Variants in DMRT1 observed in about 807,000 individuals in gnomAD.
DMRT1 encodes doublesex- and mab-3-related transcription factor 1.
A neutral mutation model predicts 32.3 loss-of-function variants in DMRT1; 7 were observed. The ratio of observed to expected loss-of-function variants is 0.22; its 90% CI spans 0.12 to 0.41. The LOEUF is 0.41. Among genes scored for constraint, DMRT1 ranks in the 10% least tolerant of loss-of-function variants. The pLI, the probability that DMRT1 is intolerant of heterozygous loss-of-function variation, is 1.00. For synonymous variants in DMRT1, 278 were observed against 206.1 expected, an observed-to-expected ratio of 1.35 and a Z score of -2.99; for missense variants, 625 against 500.5, an observed-to-expected ratio of 1.25 and a Z score of -2.37.
chr9:947,650 G>A (rs112123248), intron 4 of DMRT1, among the ~76,000 whole-genome samples: 1 of 152,238 alleles, frequency 6.6e-6, no homozygotes, highest in Admixed American at 6.5e-5. Context: ...TTGAGACAGA[G>A]TCTGACTCTG....
intron 4 of DMRT1, among the ~76,000 whole-genome samples, chr9:928,329 G>T (rs1405390188): frequency 6.6e-6 from 1 of 152,158 alleles, no homozygotes; most frequent in African/African-American, 2.4e-5. Context: ...TGTTAGGAGA[G>T]TCATTTTGTG....
intron 4 of DMRT1, among the ~76,000 whole-genome samples, chr9:936,288 G>T (rs1214933112): frequency 1.3e-5 from 2 of 152,062 alleles, no homozygotes; most frequent in Non-Finnish European, 2.9e-5. Flanking sequence ...CTTCTTGGTA[G>T]GACATAGATA....
intron 1 of DMRT1, among the ~76,000 whole-genome samples, chr9:845,688 A>G (rs10977001): frequency 0.052 from 7,902 of 151,918 alleles, 632 homozygotes; most frequent in African/African-American, 0.18. Flanking sequence ...TTCAACACCA[A>G]ATTCCAGCCC....
chr9:953,016 T>C (rs1300396312), intron 4 of DMRT1, among the ~76,000 whole-genome samples: 1 of 152,242 alleles, frequency 6.6e-6, no homozygotes, highest in Non-Finnish European at 1.5e-5. Flanking sequence ...TTTTGAAAGA[T>C]ACACATCTTT....
intron 2 of DMRT1, 100 bp from the exon 3 acceptor site, chr9:893,812 C>A (rs1399635571): frequency 2.8e-6 from 3 of 1,089,578 alleles, no homozygotes; most frequent in Non-Finnish European, 1.4e-6. Context: ...GCATATTCAG[C>A]TACCTTGCTC....
At chr9:957,748 G>T (rs536704306) in intron 4 of DMRT1, among the ~76,000 whole-genome samples, 2 of 152,178 alleles carry the variant, frequency 1.3e-5, no homozygotes, top group Non-Finnish European at 2.9e-5. Flanking sequence ...AGTGGCTCGC[G>T]CCTGTAATCC....
At position 842,329 on chromosome 9, in the gene DMRT1, G is replaced by T. The variant is rs549953533; in HGVS notation, c.354+137G>T. The T allele has an allele frequency of 1.4e-4, 160 of 1,159,778 alleles. No homozygotes were observed. The African/African-American group carries it at 2.4e-3, about 17-fold the overall frequency. The allele number at this position is 1,159,778 out of a possible 1,614,324, so 71.8% of individuals were successfully genotyped here. On this transcript the variant is annotated intron_variant, in intron 1 of 4. Transcript: ENST00000382276. ...GGCTCACTGCAACCTCCGCTTCCCG[G>T]GTTCAAGCAATTCTCCTGCCTCAGC...
At chr9:946,933 T>A (rs377263996) in intron 4 of DMRT1, among the ~76,000 whole-genome samples, 1 of 152,192 alleles carries the variant, frequency 6.6e-6, no homozygotes, top group African/African-American at 2.4e-5. Context: ...TCACAGACGG[T>A]GCCCATCAAG....
chr9:916,176 G>T (rs1245354753), intron 3 of DMRT1, among the ~76,000 whole-genome samples: 1 of 152,188 alleles, frequency 6.6e-6, no homozygotes, highest in African/African-American at 2.4e-5. Context: ...AGCAGATTGT[G>T]TTGTCCCCTC....
chr9:936,311 TGTA>T lies in DMRT1; in HGVS notation c.967+19409_967+19411del, dbSNP rs1017098138. Among the ~76,000 whole-genome samples the T allele has an allele frequency of 9.8e-5, 15 of 152,310 alleles. No homozygotes were observed. The South Asian group carries it at 1.5e-3, about 15-fold the overall frequency. Reference sequence around the variant, plus strand: ...TAGGACATAGATATTGCAGTTTTATTGTAGTAGCTCTATGGTTATGAAATACCT... The same window carrying T: ...TAGGACATAGATATTGCAGTTTTATTGTAGCTCTATGGTTATGAAATACCT... On this transcript the variant is annotated intron_variant, in intron 4 of 4. Coordinates refer to ENST00000382276, the MANE Select transcript of DMRT1 (RefSeq NM_021951.3).
chr9:955,507 C>A (rs918368960), intron 4 of DMRT1, among the ~76,000 whole-genome samples: 1 of 152,122 alleles, frequency 6.6e-6, no homozygotes, highest in Non-Finnish European at 1.5e-5. Context: ...GAGTTCAAGA[C>A]CAGCCTGAGC....
rs1300145084 is a variant in DMRT1 at position 866,277 on chromosome 9, G to A, written c.538+19134G>A. On this transcript the variant is annotated intron_variant, in intron 2 of 4. Coordinates refer to ENST00000382276, the MANE Select transcript of DMRT1 (RefSeq NM_021951.3). ...GCAGAACAGGTAAAGCACCATCAATGCACATTTAGAAATCGTCAGGACATT... is the reference window on the plus strand; with the variant it reads ...GCAGAACAGGTAAAGCACCATCAATACACATTTAGAAATCGTCAGGACATT... 7.9e-5 allele frequency among the ~76,000 whole-genome samples: 12 copies of A among 151,278 alleles called. 1 individual carries two copies. The highest frequency in any genetic ancestry group is 5.9e-4 in the Admixed American group (9 of 15,132).
chr9:935,712 AC>A (rs779127229), intron 4 of DMRT1, among the ~76,000 whole-genome samples: 1 of 152,348 alleles, frequency 6.6e-6, no homozygotes, highest in African/African-American at 2.4e-5. Context: ...CGCTAAATGG[AC>A]TGTAATAAAT....
chr9:933,245 AGGGTCTTTC>A (rs1818783739), intron 4 of DMRT1, among the ~76,000 whole-genome samples: 1 of 152,178 alleles, frequency 6.6e-6, no homozygotes, highest in South Asian at 2.1e-4. Flanking sequence ...ATCAAGGCTT[AGGGTCTTTC>A]GGGCGACCAG....
chr9:844,354 A>G (rs1838811452), intron 1 of DMRT1, among the ~76,000 whole-genome samples: 2 of 152,274 alleles, frequency 1.3e-5, no homozygotes, highest in East Asian at 3.9e-4. Context: ...TTTTTAATCA[A>G]TTGTTATCCC....
At chr9:914,391 G>A (rs62530272) in intron 3 of DMRT1, among the ~76,000 whole-genome samples, 7,672 of 151,862 alleles carry the variant, frequency 0.051, 275 homozygotes, top group Middle Eastern at 0.13. Context: ...TGGCTAACAC[G>A]GTAAAACCCT....
intron 2 of DMRT1, among the ~76,000 whole-genome samples, chr9:875,769 T>C (rs1564215406): frequency 6.8e-6 from 1 of 147,590 alleles, no homozygotes; most frequent in Non-Finnish European, 1.5e-5. Flanking sequence ...CATGTGTGTG[T>C]ATGTATGTAT....
chr9:847,288 G>GT (rs1426944070), intron 2 of DMRT1, 145 bp downstream of exon 2: 1 of 842,368 alleles, frequency 1.2e-6, no homozygotes, highest in Non-Finnish European at 1.8e-6. Flanking sequence ...GTGAAGGGCT[G>GT]TTTGTGCCTG....
At chr9:909,722 GT>G (rs5895877) in intron 3 of DMRT1, among the ~76,000 whole-genome samples, 132,517 of 151,678 alleles carry the variant, frequency 0.87, 58,143 homozygotes, top group Middle Eastern at 0.94. Flanking sequence ...TTTTGTTTCT[GT>G]TTTTTTTTGA....
Sources: allele counts gnomAD v4.1 joint callset (sites outside exome capture counted in the v4.1 genomes callset), GRCh38; gene constraint gnomAD v4.1.1; transcripts MANE v1.5; gene names NCBI Gene and HGNC (gene_info 2026-07-23, HGNC 2026-07-21).